CDH11: variants seen among roughly 807,000 people sequenced by gnomAD.
CDH11 encodes cadherin-11.
A neutral mutation model predicts 67.8 loss-of-function variants in CDH11; 11 were observed. The observed-to-expected ratio is 0.16, with a 90% CI of 0.10 to 0.27. The LOEUF is 0.27. Among genes scored for constraint, CDH11 ranks in the 10% least tolerant of loss-of-function variants. The probability of loss-of-function intolerance (pLI) is 1.00; values close to 1 mark genes in which losing one functional copy is unlikely to be tolerated. For synonymous variants in CDH11, 419 were observed against 400.0 expected, an observed-to-expected ratio of 1.05 and a Z score of -0.57; for missense variants, 847 against 1,031.2, an observed-to-expected ratio of 0.82 and a Z score of 2.45.
intron 11 of CDH11, among the ~76,000 whole-genome samples, chr16:64,960,110 C>G (rs959642723): frequency 6.6e-6 from 1 of 152,150 alleles, no homozygotes; most frequent in Non-Finnish European, 1.5e-5. Flanking sequence ...AGGGTCATCT[C>G]ATTCTTCCCC....
At chr16:65,018,252 C>T (rs1374230400) in intron 2 of CDH11, among the ~76,000 whole-genome samples, 1 of 152,132 alleles carries the variant, frequency 6.6e-6, no homozygotes, top group Admixed American at 6.5e-5. Context: ...TGTGCAGGGA[C>T]TCCATAGAGA....
At chr16:65,073,114 G>A (rs1308719617) in intron 1 of CDH11, among the ~76,000 whole-genome samples, 2 of 152,038 alleles carry the variant, frequency 1.3e-5, no homozygotes, top group Non-Finnish European at 2.9e-5. Context: ...TAATATATAA[G>A]TATGTGGACC....
intron 2 of CDH11, among the ~76,000 whole-genome samples, chr16:65,031,689 C>T (rs867569524): frequency 1.3e-5 from 2 of 152,094 alleles, no homozygotes; most frequent in South Asian, 2.1e-4. Context: ...GCAGAAAATA[C>T]AGGCAGGAGG....
intron 2 of CDH11, among the ~76,000 whole-genome samples, chr16:65,025,778 C>A (rs1597106457): frequency 6.6e-6 from 1 of 152,306 alleles, no homozygotes. Context: ...CCAGATCCTG[C>A]AGCAGGTTCA....
chr16:65,013,362 C>T (rs924305835), intron 2 of CDH11, among the ~76,000 whole-genome samples: 2 of 152,086 alleles, frequency 1.3e-5, no homozygotes, highest in Admixed American at 6.6e-5. Flanking sequence ...GCCGAGCTGT[C>T]AGAGGTGTGC....
chr16:65,102,718 T>C (rs532552700), intron 1 of CDH11, among the ~76,000 whole-genome samples: 3 of 152,320 alleles, frequency 2.0e-5, no homozygotes, highest in South Asian at 2.1e-4. Flanking sequence ...CTTGTGTCAA[T>C]GATAGCTCAC....
At position 64,946,623 on chromosome 16, in the gene CDH11, G is replaced by C; in HGVS notation, c.*980C>G. On this transcript the variant is annotated 3_prime_UTR_variant, in exon 13 of 13. Coordinates refer to ENST00000268603, the MANE Select transcript of CDH11 (RefSeq NM_001797.4). The stretch of plus-strand genomic sequence containing the variant: ...CAGAATCTTGTCTGAAAAAACATTT[G>C]TAAAACATATTTGATTTTAAATAAA... 3 of 1,022,972 alleles carry C rather than the reference G, an allele frequency of 2.9e-6. No individual in the cohort carries two copies. The highest frequency in any genetic ancestry group is 3.5e-6 in the Non-Finnish European group (3 of 850,456). 63.4% of individuals were successfully genotyped at this position (1,022,972 alleles called of 1,614,324 possible).
chr16:64,986,314 C>T (rs2072486524), intron 7 of CDH11: 1 of 151,948 alleles, frequency 6.6e-6, no homozygotes, highest in Non-Finnish European at 1.5e-5. Flanking sequence ...AAGATTATTC[C>T]TTTGCCTAGA....
Position 65,023,658 on chromosome 16 carries a change from T to A in CDH11, c.-172-18617A>T, listed in dbSNP as rs530724956. 2.0e-4 allele frequency among the ~76,000 whole-genome samples: 30 copies of A among 152,246 alleles called. No individual in the cohort carries two copies. In the South Asian group the frequency reaches 6.0e-3, roughly 31 times the overall value. ...GGTTTTCTAGGAAAGGGGTGGGGAG[T>A]TCCTAAAACTGAGGGTTCCACCCCT... On this transcript the variant is annotated intron_variant, in intron 2 of 12. Transcript: ENST00000268603.
At chr16:64,951,562 C>G (rs1369017840) in intron 11 of CDH11, among the ~76,000 whole-genome samples, 1 of 152,018 alleles carries the variant, frequency 6.6e-6, no homozygotes, top group Non-Finnish European at 1.5e-5. Flanking sequence ...CCTGTCACAC[C>G]ATTTTCTGCT....
intron 11 of CDH11, among the ~76,000 whole-genome samples, chr16:64,951,264 T>C (rs574384894): frequency 6.6e-5 from 10 of 152,306 alleles, no homozygotes; most frequent in South Asian, 6.2e-4. Flanking sequence ...GGAATTTCCA[T>C]TGAAGAATGG....
chr16:65,021,569 C>CACACACATAT (rs4048808), intron 2 of CDH11, among the ~76,000 whole-genome samples: 7 of 139,002 alleles, frequency 5.0e-5, no homozygotes, highest in African/African-American at 1.4e-4. Context: ...CACACACACA[C>CACACACATAT]ATATATATAT....
intron 11 of CDH11, among the ~76,000 whole-genome samples, chr16:64,969,842 C>T (rs1326291039): frequency 1.3e-5 from 2 of 152,152 alleles, no homozygotes; most frequent in East Asian, 3.9e-4. Flanking sequence ...ACTATCATTA[C>T]AAAATGAATT....
At chr16:64,956,177 A>G in intron 11 of CDH11, among the ~76,000 whole-genome samples, 1 of 152,224 alleles carries the variant, frequency 6.6e-6, no homozygotes, top group East Asian at 1.9e-4. Flanking sequence ...AATCTTGTAC[A>G]TATTAATTGC....
chr16:65,079,057 G>T (rs1311802277), intron 1 of CDH11, among the ~76,000 whole-genome samples: 1 of 152,136 alleles, frequency 6.6e-6, no homozygotes, highest in African/African-American at 2.4e-5. Flanking sequence ...TTTTGACAAA[G>T]CCTTTCATAT....
intron 2 of CDH11, among the ~76,000 whole-genome samples, chr16:65,014,562 A>G (rs1469709709): frequency 1.3e-5 from 2 of 152,160 alleles, no homozygotes; most frequent in Non-Finnish European, 2.9e-5. Flanking sequence ...CAGCACAGGC[A>G]TAGGGGATTC....
At chr16:65,108,052 A>G (rs569292978) in intron 1 of CDH11, among the ~76,000 whole-genome samples, 1 of 152,146 alleles carries the variant, frequency 6.6e-6, no homozygotes, top group Non-Finnish European at 1.5e-5. Flanking sequence ...AAGAAATGAG[A>G]CAGAAGTTAG....
chr16:64,946,850 A>G lies in CDH11; in HGVS notation c.*753T>C, dbSNP rs2071207153. On this transcript the variant is annotated 3_prime_UTR_variant, in exon 13 of 13. Transcript: ENST00000268603. Reference sequence around the variant, plus strand: ...AAGCTCATATTAAAGCAACAGTACAATGTTCATAAAATATAAGTGTGATGC... The same window carrying G: ...AAGCTCATATTAAAGCAACAGTACAGTGTTCATAAAATATAAGTGTGATGC... 1.2e-6 allele frequency: 1 copy of G among 850,136 alleles called. No individual in the cohort carries two copies. The highest frequency in any genetic ancestry group is 5.9e-5 in the Admixed American group (1 of 16,888). The allele number at this position is 850,136 out of a possible 1,614,324, so 52.7% of individuals were successfully genotyped here.
At chr16:65,044,179 C>T (rs1257270673) in intron 2 of CDH11, among the ~76,000 whole-genome samples, 2 of 152,154 alleles carry the variant, frequency 1.3e-5, no homozygotes, top group Admixed American at 1.3e-4. Flanking sequence ...GTTCACCACA[C>T]ATGAGTATGC....
Sources: allele counts gnomAD v4.1 joint callset (sites outside exome capture counted in the v4.1 genomes callset), GRCh38; gene constraint gnomAD v4.1.1; transcripts MANE v1.5; gene names NCBI Gene and HGNC (gene_info 2026-07-23, HGNC 2026-07-21).